Variants in CFAP54 observed in about 807,000 individuals in gnomAD.
CFAP54 encodes the protein cilia and flagella associated protein 54.
In CFAP54, 290 loss-of-function variants were observed where a neutral mutation model predicts 370.4. That is an observed-to-expected ratio of 0.78 (90% CI 0.71 to 0.86). The LOEUF is 0.86. Among genes scored for constraint, CFAP54 ranks in the 40% least tolerant of loss-of-function variants. The pLI is 0.00. For synonymous variants in CFAP54, 1,206 were observed against 1,236.5 expected, an observed-to-expected ratio of 0.98 and a Z score of 0.52; for missense variants, 3,399 against 3,528.7, an observed-to-expected ratio of 0.96 and a Z score of 0.93.
At chr12:96,718,236 G>A (rs560408006) in intron 48 of CFAP54, among the ~76,000 whole-genome samples, 27 of 152,212 alleles carry the variant, frequency 1.8e-4, no homozygotes, top group Admixed American at 7.2e-4. Context: ...GTGTGCGCCC[G>A]TAGTCCCAGC....
intron 40 of CFAP54, 110 bp downstream of exon 40, chr12:96,679,862 C>A: frequency 1.9e-6 from 2 of 1,045,688 alleles, no homozygotes; most frequent in Non-Finnish European, 2.8e-6. Context: ...ATGCAACACT[C>A]CCTGATGCCT....
At chr12:96,610,961 G>A (rs1956351956) in intron 26 of CFAP54, among the ~76,000 whole-genome samples, 1 of 152,250 alleles carries the variant, frequency 6.6e-6, no homozygotes, top group African/African-American at 2.4e-5. Context: ...ACCTGTGGGG[G>A]CAGGGCACAG....
intron 41 of CFAP54, 40 bp from the exon 42 acceptor site, chr12:96,684,989 C>G (rs758392329): frequency 6.3e-6 from 10 of 1,587,534 alleles, no homozygotes; most frequent in Admixed American, 3.4e-5. Context: ...AATAATGGGT[C>G]TCAGAAAACT....
intron 55 of CFAP54, among the ~76,000 whole-genome samples, chr12:96,745,501 TG>T (rs1958104560): frequency 6.7e-6 from 1 of 150,024 alleles, no homozygotes; most frequent in Admixed American, 6.7e-5. Context: ...TGTCTGTTTA[TG>T]TCCTTTGCCC....
chr12:96,720,959 G>T (rs941854123), intron 50 of CFAP54, among the ~76,000 whole-genome samples: 1 of 151,904 alleles, frequency 6.6e-6, no homozygotes, highest in African/African-American at 2.4e-5. Flanking sequence ...GGCAGAGGTT[G>T]CAGTGAGCTG....
rs189210270 is a variant in CFAP54 at position 96,784,121 on chromosome 12, T to C, written c.8282-596T>C. 6.8e-3 allele frequency among the ~76,000 whole-genome samples: 1,033 copies of C among 152,348 alleles called. 5 individuals carry two copies. Among genetic ancestry groups the C allele is most frequent in the Non-Finnish European group, 0.011 (731 of 68,024 alleles). Reference sequence around the variant, plus strand: ...TTTTTTAATATTGCAAACAACACTTTGTGCAAAACTCTTGGTACACATATA... The same window carrying C: ...TTTTTTAATATTGCAAACAACACTTCGTGCAAAACTCTTGGTACACATATA... On this transcript the variant is annotated intron_variant, in intron 60 of 67. Coordinates refer to ENST00000524981, the MANE Select transcript of CFAP54 (RefSeq NM_001306084.2).
At position 96,644,364 on chromosome 12, in the gene CFAP54, G is replaced by T; in HGVS notation, c.4503G>T (p.Trp1501Cys). The T allele has an allele frequency of 6.5e-7, 1 of 1,535,858 alleles. No individual in the cohort carries two copies. The highest frequency in any genetic ancestry group is 8.7e-7 in the Non-Finnish European group (1 of 1,146,756). ...TTAACCTGGTTTTACAAAAGCTATG[G>T]GAGTGTACGAAGATGAAATTTGGCA... ...AHFNLVLQKL[W>C]ECTKMKFGTS... The change falls in exon 33 of 68, where the codon TGG (tryptophan) becomes TGT (cysteine). Residue 1501 changes from tryptophan to cysteine, a missense_variant. Physicochemically the swap from Trp to Cys is radical, Grantham distance 215. Transcript: ENST00000524981.
chr12:96,566,386 T>G (rs1246072304), intron 19 of CFAP54, among the ~76,000 whole-genome samples: 1 of 152,290 alleles, frequency 6.6e-6, no homozygotes, highest in Admixed American at 6.5e-5. Context: ...AGACCAAGAA[T>G]TTTTAGACAT....
chr12:96,872,254 G>C (rs1031198595), intron 67 of CFAP54, among the ~76,000 whole-genome samples: 3 of 152,076 alleles, frequency 2.0e-5, no homozygotes, highest in Non-Finnish European at 4.4e-5. Flanking sequence ...AGAAACATTG[G>C]AGACCAAGTG....
At chr12:96,839,393 T>C (rs1959197501) in intron 66 of CFAP54, among the ~76,000 whole-genome samples, 1 of 152,158 alleles carries the variant, frequency 6.6e-6, no homozygotes. Context: ...CCCTTACAAG[T>C]AGATTTAATT....
intron 46 of CFAP54, among the ~76,000 whole-genome samples, chr12:96,704,288 G>C (rs375270344): frequency 6.6e-6 from 1 of 151,064 alleles, no homozygotes; most frequent in Non-Finnish European, 1.5e-5. Flanking sequence ...TTAGCTGGAC[G>C]TGGTGGCGGG....
At chr12:96,615,618 C>T (rs6538729) in intron 26 of CFAP54, among the ~76,000 whole-genome samples, 62,964 of 151,970 alleles carry the variant, frequency 0.41, 13,101 homozygotes, top group Admixed American at 0.5. Context: ...ATCCATCTGA[C>T]AAAGGGCTAA....
rs191904863 is a variant in CFAP54 at position 96,785,055 on chromosome 12, A to G, written c.8455+165A>G. On this transcript the variant is annotated intron_variant, in intron 61 of 67. Coordinates refer to ENST00000524981, the MANE Select transcript of CFAP54 (RefSeq NM_001306084.2). ...TAACCTGGGATACATGCATCTTTGGATAGAATAGTACTTCAATGTAATTGG... is the reference window on the plus strand; with the variant it reads ...TAACCTGGGATACATGCATCTTTGGGTAGAATAGTACTTCAATGTAATTGG... 1.9e-4 allele frequency among the ~76,000 whole-genome samples: 29 copies of G among 152,328 alleles called. No homozygotes were observed. The East Asian group carries it at 5.4e-3, about 28-fold the overall frequency.
intron 15 of CFAP54, among the ~76,000 whole-genome samples, chr12:96,553,755 T>C (rs1009258213): frequency 6.6e-5 from 10 of 151,808 alleles, no homozygotes; most frequent in Admixed American, 2.0e-4. Context: ...TAGACTAATA[T>C]AGACTGTTGG....
chr12:96,630,691 G>C, intron 32 of CFAP54, 40 bp downstream of exon 32: 1 of 1,275,838 alleles, frequency 7.8e-7, no homozygotes, highest in Non-Finnish European at 1.0e-6. Flanking sequence ...GTTTACTTGA[G>C]GGTAACTATG....
chr12:96,581,210 CT>C, intron 22 of CFAP54, 105 bp downstream of exon 22: 1 of 741,248 alleles, frequency 1.3e-6, no homozygotes, highest in Non-Finnish European at 1.9e-6. Flanking sequence ...TATTCTAAAG[CT>C]CCTATAACAC....
chr12:96,729,855 G>T (rs1187686020), intron 50 of CFAP54, among the ~76,000 whole-genome samples: 1 of 152,134 alleles, frequency 6.6e-6, no homozygotes, highest in Non-Finnish European at 1.5e-5. Flanking sequence ...TTCTTTAGAA[G>T]AGTTTTACTA....
At chr12:96,565,010 A>C in intron 19 of CFAP54, 1 of 240,266 alleles carries the variant, frequency 4.2e-6, no homozygotes, top group East Asian at 8.2e-5. Flanking sequence ...ATAAAATCAG[A>C]AGGACTCAAA....
intron 67 of CFAP54, among the ~76,000 whole-genome samples, chr12:96,874,094 C>G (rs1021547218): frequency 6.6e-6 from 1 of 152,312 alleles, no homozygotes. Flanking sequence ...TCTCCAGATT[C>G]CTGTAGCCAC....
Sources: allele counts gnomAD v4.1 joint callset (sites outside exome capture counted in the v4.1 genomes callset), GRCh38; gene constraint gnomAD v4.1.1; transcripts MANE v1.5; gene names NCBI Gene and HGNC (gene_info 2026-07-23, HGNC 2026-07-21).